Variants in EPB41L4A observed in about 807,000 individuals in gnomAD.
The protein encoded by EPB41L4A is erythrocyte membrane protein band 4.1 like 4A.
EPB41L4A carries 100 observed loss-of-function variants against 108.6 expected under a neutral mutation model. That is an observed-to-expected ratio of 0.92 (90% confidence interval 0.78 to 1.09). EPB41L4A has a LOEUF of 1.09. Ranked by LOEUF, EPB41L4A falls within the 50% of genes least tolerant of loss-of-function variation. EPB41L4A has a pLI of 0.00. For missense variants in EPB41L4A, 1,030 were observed against 842.7 expected (o/e 1.22, Z -2.75); for synonymous variants, 319 against 289.0 (o/e 1.10, Z -1.05).
In EPB41L4A at chr5:112,315,791, AT is replaced by A. The variant is rs568032997; in HGVS notation, c.100-8302del. Among the ~76,000 whole-genome samples, 17 of 152,082 alleles carry A rather than the reference AT, an allele frequency of 1.1e-4. No individual in the cohort carries two copies. The South Asian group carries it at 1.7e-3, about 15-fold the overall frequency. ...TAAAAATAAAGATTATGCAAAAAAA[AT>A]CTGACAGAAATTTGATTTTCCATCA... On this transcript the variant is annotated intron_variant, in intron 1 of 22. Coordinates refer to ENST00000261486, the MANE Select transcript of EPB41L4A (RefSeq NM_022140.5).
Position 112,190,062 on chromosome 5 carries a change from C to T in EPB41L4A, c.1502+4506G>A, listed in dbSNP as rs570489353. ...CCCTTCTGATCTCAGGGACGAGATT[C>T]AAAATTCTAACTAATAGAATCTAAT... is the stretch of plus-strand genomic sequence containing the variant. On this transcript the variant is annotated intron_variant, in intron 17 of 22. Coordinates refer to ENST00000261486, the MANE Select transcript of EPB41L4A (RefSeq NM_022140.5). Among the ~76,000 whole-genome samples, 40 of 152,230 alleles carry T rather than the reference C, an allele frequency of 2.6e-4. No individual in the cohort carries two copies. In the Middle Eastern group the frequency reaches 0.01, roughly 39 times the overall value.
chr5:112,262,607 C>A, intron 6 of EPB41L4A, 26 bp from the exon 7 acceptor site: 2 of 1,586,562 alleles, frequency 1.3e-6, no homozygotes, highest in Non-Finnish European at 1.7e-6. Context: ...AAACAAAGAG[C>A]CTTATTTTAC....
chr5:112,342,011 C>T (rs1041842450), intron 1 of EPB41L4A, among the ~76,000 whole-genome samples: 10 of 152,124 alleles, frequency 6.6e-5, no homozygotes, highest in African/African-American at 1.9e-4. Flanking sequence ...AAACCATTTC[C>T]TCCTATAGAA....
At chr5:112,273,042 T>G (rs373270497) in intron 4 of EPB41L4A, among the ~76,000 whole-genome samples, 1 of 152,176 alleles carries the variant, frequency 6.6e-6, no homozygotes, top group Non-Finnish European at 1.5e-5. Context: ...ATAGCATATA[T>G]CTGGAGATTT....
intron 1 of EPB41L4A, among the ~76,000 whole-genome samples, chr5:112,346,348 C>G (rs1757676232): frequency 6.6e-6 from 1 of 150,960 alleles, no homozygotes; most frequent in Non-Finnish European, 1.5e-5. Flanking sequence ...GCCTCAGCCT[C>G]CTGTAGCTGC....
intron 1 of EPB41L4A, among the ~76,000 whole-genome samples, chr5:112,331,011 T>C (rs1756527090): frequency 6.6e-6 from 1 of 152,132 alleles, no homozygotes; most frequent in South Asian, 2.1e-4. Context: ...CATCTTTAAA[T>C]ATGTGAAGGA....
intron 1 of EPB41L4A, among the ~76,000 whole-genome samples, chr5:112,343,771 G>GA (rs1160313411): frequency 6.6e-6 from 1 of 152,126 alleles, no homozygotes. Context: ...AAGAGAGAGA[G>GA]AAAACCACTG....
chr5:112,152,238 AAAATAAAAT>A, intron 12 of EPB41L4A, among the ~76,000 whole-genome samples: 1 of 152,216 alleles, frequency 6.6e-6, no homozygotes, highest in Non-Finnish European at 1.5e-5. Context: ...ATGGAAGAAC[AAAATAAAAT>A]GGTAGAAATT....
chr5:112,209,770 A>C, intron 13 of EPB41L4A, 122 bp downstream of exon 13: 1 of 557,284 alleles, frequency 1.8e-6, no homozygotes, highest in Non-Finnish European at 3.1e-6. Context: ...GATTTATTGG[A>C]TCCCATGGAT....
Position 112,205,446 on chromosome 5 carries a change from G to C in EPB41L4A, c.1237C>G (p.Pro413Ala). The C allele has an allele frequency of 6.2e-7, 1 of 1,613,656 alleles. No homozygotes were observed. The highest frequency in any genetic ancestry group is 8.5e-7 in the Non-Finnish European group (1 of 1,179,866). ...CTCTGGGGGCCATTTTCTTCCCACG[G>C]TGCATGAGATTTGCTTCTTTGGGTA... is the stretch of plus-strand genomic sequence containing the variant. Reference protein sequence around the residue: ...PDTQRSKSHAPWEENGPQSGL... With the variant: ...PDTQRSKSHAAWEENGPQSGL... The change falls in exon 14 of 23, where the codon CCG becomes GCG. Residue 413 changes from proline to alanine, a missense_variant. Coordinates refer to ENST00000261486, the MANE Select transcript of EPB41L4A (RefSeq NM_022140.5).
At chr5:112,282,763 G>T (rs996765528) in intron 2 of EPB41L4A, among the ~76,000 whole-genome samples, 12 of 151,814 alleles carry the variant, frequency 7.9e-5, no homozygotes, top group Admixed American at 6.6e-5. Flanking sequence ...AGGGAAAAAA[G>T]GAGGCTTTGG....
At chr5:112,393,612 CAA>C (rs36159538) in intron 1 of EPB41L4A, among the ~76,000 whole-genome samples, 1 of 151,976 alleles carries the variant, frequency 6.6e-6, no homozygotes, top group Non-Finnish European at 1.5e-5. Context: ...ACCTATCAAC[CAA>C]AAGAGTCCAG....
intron 6 of EPB41L4A, chr5:112,264,194 G>A (rs1293638640): frequency 7.9e-5 from 12 of 152,200 alleles, no homozygotes; most frequent in Non-Finnish European, 1.6e-4. Context: ...ATAAAGCAAT[G>A]TTAACCGGTG....
chr5:112,252,202 T>C (rs1413390317), intron 9 of EPB41L4A, among the ~76,000 whole-genome samples: 2 of 152,176 alleles, frequency 1.3e-5, no homozygotes, highest in Non-Finnish European at 2.9e-5. Context: ...TGTATCAATA[T>C]GTGTATGCTT....
At chr5:112,156,864 A>G (rs1759666024) in intron 12 of EPB41L4A, among the ~76,000 whole-genome samples, 1 of 152,180 alleles carries the variant, frequency 6.6e-6, no homozygotes, top group African/African-American at 2.4e-5. Context: ...AATGACTACC[A>G]AAAAGGAGAA....
intron 2 of EPB41L4A, among the ~76,000 whole-genome samples, chr5:112,297,325 T>C (rs1754060485): frequency 6.6e-6 from 1 of 152,208 alleles, no homozygotes; most frequent in South Asian, 2.1e-4. Context: ...TTTTTGATAA[T>C]GGCCATTCTT....
intron 2 of EPB41L4A, among the ~76,000 whole-genome samples, chr5:112,301,694 G>GCAAT (rs1362206264): frequency 4.6e-5 from 7 of 152,138 alleles, no homozygotes; most frequent in Admixed American, 2.0e-4. Flanking sequence ...AGTGGGAACT[G>GCAAT]CAATCTAGTC....
chr5:112,357,858 T>C (rs1305142559), intron 1 of EPB41L4A, among the ~76,000 whole-genome samples: 3 of 152,136 alleles, frequency 2.0e-5, no homozygotes, highest in Non-Finnish European at 4.4e-5. Context: ...TAAAAATTAT[T>C]TTTGTCCCTT....
chr5:112,206,308 T>C (rs536594784), intron 13 of EPB41L4A, among the ~76,000 whole-genome samples: 55 of 150,956 alleles, frequency 3.6e-4, no homozygotes, highest in African/African-American at 1.0e-3. Flanking sequence ...GATAGGGTCA[T>C]AGAGGAGTAC....
Sources: allele counts gnomAD v4.1 joint callset (sites outside exome capture counted in the v4.1 genomes callset), GRCh38; gene constraint gnomAD v4.1.1; transcripts MANE v1.5; gene names NCBI Gene and HGNC (gene_info 2026-07-23, HGNC 2026-07-21).